Variants in PAIP2 observed in about 807,000 individuals in gnomAD.
The protein encoded by PAIP2 is polyadenylate-binding protein-interacting protein 2.
PAIP2 carries 7 observed loss-of-function variants against 14.8 expected under a neutral mutation model. That is an observed-to-expected ratio of 0.47 (90% CI 0.27 to 0.89). The LOEUF is 0.89. Among genes scored for constraint, PAIP2 ranks in the 40% least tolerant of loss-of-function variants. The probability of loss-of-function intolerance (pLI) is 0.13; values close to 1 mark genes in which losing one functional copy is unlikely to be tolerated. For missense variants in PAIP2, 122 were observed against 154.7 expected (o/e 0.79, Z 1.12); for synonymous variants, 47 against 45.3 (o/e 1.04, Z -0.15).
chr5:139,345,495 G>A (rs930426175), intron 1 of PAIP2, among the ~76,000 whole-genome samples: 2 of 152,050 alleles, frequency 1.3e-5, no homozygotes, highest in East Asian at 1.9e-4. Flanking sequence ...GTATATATGC[G>A]TAAAATACGA....
chr5:139,368,312 C>T (rs2152058928), intron 3 of PAIP2, among the ~76,000 whole-genome samples: 1 of 151,914 alleles, frequency 6.6e-6, no homozygotes, highest in South Asian at 2.1e-4. Context: ...TGCACTGCAG[C>T]CTGGGTGACA....
chr5:139,358,511 C>T (rs1756982706), intron 1 of PAIP2, among the ~76,000 whole-genome samples: 1 of 152,020 alleles, frequency 6.6e-6, no homozygotes, highest in Non-Finnish European at 1.5e-5. Context: ...GCATTGAACA[C>T]ATTGGGTATA....
Position 139,345,381 on chromosome 5 carries a change from G to C in PAIP2, c.-27+3401G>C, listed in dbSNP as rs199526165. ...AATCGTTACCTTACTGTGCCAAATAGTAAAACAAAAAATTCGGTGCTTTTC... is the reference window on the plus strand; with the variant it reads ...AATCGTTACCTTACTGTGCCAAATACTAAAACAAAAAATTCGGTGCTTTTC... On this transcript the variant is annotated intron_variant, in intron 1 of 3. Coordinates refer to ENST00000265192, the MANE Select transcript of PAIP2 (RefSeq NM_016480.5). Among the ~76,000 whole-genome samples, 38 of 152,132 alleles carry C rather than the reference G, an allele frequency of 2.5e-4. No homozygotes were observed. In the East Asian group the frequency reaches 7.0e-3, roughly 28 times the overall value.
intron 1 of PAIP2, chr5:139,343,232 G>A (rs1756436187): frequency 6.6e-6 from 1 of 152,194 alleles, no homozygotes; most frequent in African/African-American, 2.4e-5. Flanking sequence ...TATACTACTT[G>A]TCAGTTGTGA....
At chr5:139,367,185 C>T (rs893055632) in intron 3 of PAIP2, 2 of 152,102 alleles carry the variant, frequency 1.3e-5, no homozygotes, top group Non-Finnish European at 2.9e-5. Flanking sequence ...GTATAAATTA[C>T]GAAACTAAAA....
intron 1 of PAIP2, chr5:139,343,193 A>G (rs1157608487): frequency 1.3e-5 from 2 of 152,226 alleles, no homozygotes; most frequent in African/African-American, 4.8e-5. Context: ...TTAGTGAAAG[A>G]CAGGATATTT....
intron 1 of PAIP2, among the ~76,000 whole-genome samples, chr5:139,360,154 A>C (rs1442790416): frequency 2.0e-5 from 3 of 151,172 alleles, no homozygotes; most frequent in Non-Finnish European, 4.4e-5. Context: ...TTTAGTAGAG[A>C]CGGGATTTCA....
At chr5:139,352,503 T>TTTTG (rs1554153574) in intron 1 of PAIP2, among the ~76,000 whole-genome samples, 1 of 124,462 alleles carries the variant, frequency 8.0e-6, no homozygotes, top group Non-Finnish European at 1.7e-5. Flanking sequence ...TTTTTTGTTG[T>TTTTG]TTTTTTTTTT....
Position 139,363,906 on chromosome 5 carries a change from A to G in PAIP2, c.122A>G (p.Glu41Gly). Reference sequence around the variant, plus strand: ...GAGTACATGTGGATGGAAAATGAAGAAGAATTCAACAGACAAGTTAGTTTT... The same window carrying G: ...GAGTACATGTGGATGGAAAATGAAGGAGAATTCAACAGACAAGTTAGTTTT... ...FAEYMWMENE[E>G]EFNRQIEEEL... is the part of the protein sequence containing the mutation. Residue 41 changes from glutamate (E) to glycine (G), a missense_variant, in exon 2 of 4, where the codon GAA (glutamate) becomes GGA (glycine). By Grantham distance (98) the Glu-to-Gly change is moderately conservative (BLOSUM62 -2). Around this residue, in one of 3 missense-constraint regions of PAIP2, gnomAD observed 34 missense variants for 74.0 expected, o/e 0.46. Transcript: ENST00000265192. The G allele has an allele frequency of 6.2e-7, 1 of 1,613,780 alleles. No individual in the cohort carries two copies. The highest frequency in any genetic ancestry group is 8.5e-7 in the Non-Finnish European group (1 of 1,179,800).
chr5:139,365,818 G>A (rs1473385239), intron 3 of PAIP2, among the ~76,000 whole-genome samples: 1 of 152,184 alleles, frequency 6.6e-6, no homozygotes, highest in African/African-American at 2.4e-5. Flanking sequence ...GTACTTAAAT[G>A]TCCTAAAGAA....
intron 2 of PAIP2, 99 bp downstream of exon 2, chr5:139,364,021 A>G: frequency 9.6e-7 from 1 of 1,040,120 alleles, no homozygotes; most frequent in Non-Finnish European, 1.4e-6. Context: ...TTATGTATAA[A>G]GTATGTAGAC....
At chr5:139,347,427 CCATG>C (rs1457602436) in intron 1 of PAIP2, among the ~76,000 whole-genome samples, 1 of 152,048 alleles carries the variant, frequency 6.6e-6, no homozygotes, top group Non-Finnish European at 1.5e-5. Flanking sequence ...GCGCCCACCA[CCATG>C]CCCGGCTAAT....
At position 139,368,900 on chromosome 5, in the gene PAIP2, T is replaced by C; in HGVS notation, c.*102T>C. 1 of 840,138 alleles carries C rather than the reference T, an allele frequency of 1.2e-6. No homozygotes were observed. The highest frequency in any genetic ancestry group is 1.9e-6 in the Non-Finnish European group (1 of 520,832). The allele number at this position is 840,138 out of a possible 1,614,324, so 52.0% of individuals were successfully genotyped here. On this transcript the variant is annotated 3_prime_UTR_variant, in exon 4 of 4. Transcript: ENST00000265192. ...AAGCTCTCTTGTCACTGTGTTACAC[T>C]TATGCATTGCCAAAGTTTTTGTTAG...
Position 139,361,333 on chromosome 5 carries a change from G to GA in PAIP2, c.-26-2419dup, listed in dbSNP as rs1408706832. Among the ~76,000 whole-genome samples, 8 of 151,952 alleles carry GA rather than the reference G, an allele frequency of 5.3e-5. No homozygotes were observed. In the South Asian group the frequency reaches 1.7e-3, roughly 32 times the overall value. The stretch of plus-strand genomic sequence containing the variant: ...TTTTCCCTGAAACTTATCCCAAAGG[G>GA]AAAAAAATACATATATTTCCAGTAG... On this transcript the variant is annotated intron_variant, in intron 1 of 3. Transcript: ENST00000265192.
intron 1 of PAIP2, among the ~76,000 whole-genome samples, chr5:139,344,880 C>T (rs938769100): frequency 5.9e-5 from 9 of 152,010 alleles, no homozygotes; most frequent in Admixed American, 6.6e-5. Context: ...ATTTAATCAC[C>T]GAGATAGTTA....
chr5:139,352,502 G>GTTTTTTTTTTTTTGT (rs536704901), intron 1 of PAIP2, among the ~76,000 whole-genome samples: 13 of 76,182 alleles, frequency 1.7e-4, no homozygotes, highest in South Asian at 5.0e-4. Context: ...TTTTTTTGTT[G>GTTTTTTTTTTTTTGT]TTTTTTTTTT....
chr5:139,367,997 A>G (rs1462002478), intron 3 of PAIP2, among the ~76,000 whole-genome samples: 1 of 151,674 alleles, frequency 6.6e-6, no homozygotes, highest in Non-Finnish European at 1.5e-5. Context: ...AGGTCAGATC[A>G]ACACCATCCT....
intron 1 of PAIP2, among the ~76,000 whole-genome samples, chr5:139,345,383 A>T (rs1355974727): frequency 6.6e-6 from 1 of 152,168 alleles, no homozygotes; most frequent in Non-Finnish European, 1.5e-5. Flanking sequence ...GCCAAATAGT[A>T]AAACAAAAAA....
At chr5:139,353,498 T>C (rs1756813535) in intron 1 of PAIP2, among the ~76,000 whole-genome samples, 1 of 152,218 alleles carries the variant, frequency 6.6e-6, no homozygotes, top group African/African-American at 2.4e-5. Context: ...GAGGTTATAA[T>C]TAACATCTTA....
Sources: allele counts gnomAD v4.1 joint callset (sites outside exome capture counted in the v4.1 genomes callset), GRCh38; gene constraint gnomAD v4.1.1; regional missense constraint gnomAD v4.1.1; transcripts MANE v1.5; gene names NCBI Gene and HGNC (gene_info 2026-07-23, HGNC 2026-07-21).